The following CSTPP1 variants were observed in gnomAD, a reference collection of about 807,000 sequenced individuals.
CSTPP1 encodes centriolar satellite-associated tubulin polyglutamylase complex regulator 1.
chr11:47,050,498 G>T, the CSTPP1 span, among the ~76,000 whole-genome samples: 16 of 152,278 alleles, frequency 1.1e-4, no homozygotes, highest in East Asian at 2.9e-3. Context: ...TGGAAATTGG[G>T]CATGGGAGAT....
the CSTPP1 span, among the ~76,000 whole-genome samples, chr11:47,089,205 C>T: frequency 1.3e-5 from 2 of 151,940 alleles, no homozygotes; most frequent in Non-Finnish European, 2.9e-5. Flanking sequence ...AGTATTATAT[C>T]GGCAAAGGGG....
At chr11:47,034,632 C>G in the CSTPP1 span, among the ~76,000 whole-genome samples, 1,356 of 151,906 alleles carry the variant, frequency 8.9e-3, 19 homozygotes, top group African/African-American at 0.03. Flanking sequence ...TCTTTAGTAG[C>G]TGGGACTACA....
chr11:47,159,578 G>A, the CSTPP1 span: 5 of 455,744 alleles, frequency 1.1e-5, no homozygotes, highest in South Asian at 3.1e-5. Flanking sequence ...GGTGGGATCT[G>A]CCCTGGTGTT....
the CSTPP1 span, among the ~76,000 whole-genome samples, chr11:46,969,137 G>A: frequency 5.9e-5 from 9 of 152,008 alleles, no homozygotes; most frequent in Non-Finnish European, 1.3e-4. Flanking sequence ...TGACTCCCAC[G>A]GCAACACTGA....
At chr11:47,038,494 A>C in the CSTPP1 span, among the ~76,000 whole-genome samples, 1 of 49,756 alleles carries the variant, frequency 2.0e-5, no homozygotes, top group African/African-American at 6.4e-5. Flanking sequence ...GCGGCCGGCC[A>C]GGCAGAGGGG....
chr11:47,029,591 G>A, the CSTPP1 span, among the ~76,000 whole-genome samples: 1 of 151,646 alleles, frequency 6.6e-6, no homozygotes, highest in East Asian at 1.9e-4. Context: ...GCTCCAGCCT[G>A]GGCGACAGAG....
chr11:46,963,482 T>G, the CSTPP1 span, among the ~76,000 whole-genome samples: 1 of 152,116 alleles, frequency 6.6e-6, no homozygotes, highest in Non-Finnish European at 1.5e-5. Context: ...ACATTTAAGC[T>G]GATACATTTA....
At chr11:47,137,387 C>T in the CSTPP1 span, 9 of 1,490,856 alleles carry the variant, frequency 6.0e-6, no homozygotes, top group Middle Eastern at 1.7e-4. Context: ...TCTCTTCACC[C>T]GACCAATTTT....
At chr11:47,098,324 A>T in the CSTPP1 span, among the ~76,000 whole-genome samples, 97,124 of 149,114 alleles carry the variant, frequency 0.65, 31,964 homozygotes, top group Middle Eastern at 0.71. Flanking sequence ...ATTTAAAAAA[A>T]AAATAAATAA....
At chr11:47,041,939 A>G in the CSTPP1 span, 9 of 254,210 alleles carry the variant, frequency 3.5e-5, 2 homozygotes, top group Admixed American at 2.3e-4. Flanking sequence ...CCTAGGCTCC[A>G]GTGGCTCTTG....
chr11:47,112,292 A>G, the CSTPP1 span, among the ~76,000 whole-genome samples: 2 of 150,936 alleles, frequency 1.3e-5, no homozygotes, highest in Non-Finnish European at 2.9e-5. Flanking sequence ...AATTTGCCTC[A>G]GTTAACTTTC....
chr11:47,157,749 A>G, the CSTPP1 span: 2 of 1,502,268 alleles, frequency 1.3e-6, no homozygotes, highest in Admixed American at 1.7e-5. Context: ...TGAACCTGAA[A>G]GTATGGATGC....
At chr11:47,163,219 A>G in the CSTPP1 span, among the ~76,000 whole-genome samples, 2 of 150,570 alleles carry the variant, frequency 1.3e-5, 1 homozygote, top group Middle Eastern at 7.0e-3. Context: ...TGAGCTCTGT[A>G]GGCCCACAAT....
chr11:47,039,422 C>G, the CSTPP1 span, among the ~76,000 whole-genome samples: 1 of 127,290 alleles, frequency 7.9e-6, no homozygotes, highest in African/African-American at 2.5e-5. Flanking sequence ...GCAGCAGTAC[C>G]GTCCAGCTTC....
chr11:47,056,660 T>C, the CSTPP1 span, among the ~76,000 whole-genome samples: 1 of 152,238 alleles, frequency 6.6e-6, no homozygotes, highest in Non-Finnish European at 1.5e-5. Flanking sequence ...GTTCCTAAAA[T>C]AATTGGTTAA....
chr11:47,013,062 A>G, the CSTPP1 span, among the ~76,000 whole-genome samples: 3 of 146,830 alleles, frequency 2.0e-5, no homozygotes, highest in African/African-American at 7.4e-5. Context: ...AAATAATAAC[A>G]TATATATTTT....
the CSTPP1 span, among the ~76,000 whole-genome samples, chr11:46,955,595 C>A: frequency 1.3e-5 from 2 of 150,748 alleles, no homozygotes; most frequent in African/African-American, 4.9e-5. Context: ...GAACTCCTGA[C>A]CTTGTGATTC....
chr11:47,053,534 G>A, the CSTPP1 span, among the ~76,000 whole-genome samples: 9 of 150,354 alleles, frequency 6.0e-5, no homozygotes, highest in African/African-American at 2.0e-4. Flanking sequence ...AACGAAAATC[G>A]TTTGAACCCT....
chr11:47,040,553 C>T, the CSTPP1 span, among the ~76,000 whole-genome samples: 6 of 126,502 alleles, frequency 4.7e-5, 2 homozygotes, highest in Non-Finnish European at 9.4e-5. Flanking sequence ...GATTTACATA[C>T]AGGGCAGTCC....
Sources: allele counts gnomAD v4.1 joint callset (sites outside exome capture counted in the v4.1 genomes callset), GRCh38; gene constraint gnomAD v4.1.1; transcripts MANE v1.5; gene names NCBI Gene and HGNC (gene_info 2026-07-23, HGNC 2026-07-21).